SIPA1L1: variants seen among roughly 807,000 people sequenced by gnomAD.
SIPA1L1 encodes signal induced proliferation associated 1 like 1, also known as signal-induced proliferation-associated 1-like protein 1.
A neutral mutation model predicts 162.7 loss-of-function variants in SIPA1L1; 26 were observed. That is an observed-to-expected ratio of 0.16 (90% confidence interval 0.12 to 0.22). SIPA1L1 has a LOEUF of 0.22. SIPA1L1 is among the 10% of genes least tolerant of loss of function. The pLI, the probability that SIPA1L1 is intolerant of heterozygous loss-of-function variation, is 1.00. For synonymous variants in SIPA1L1, 829 were observed against 837.4 expected, an observed-to-expected ratio of 0.99 and a Z score of 0.17; for missense variants, 1,874 against 2,241.0, an observed-to-expected ratio of 0.84 and a Z score of 3.31.
rs1238349855 is a variant in SIPA1L1 at position 71,739,359 on chromosome 14, A to G, written c.*198A>G. ...TTTTGTAGAAAAGAAAAACAAAAAA[A>G]GTAAATAAAAATTTTAAACAGTAAA... On this transcript the variant is annotated 3_prime_UTR_variant, in exon 24 of 24. Transcript: ENST00000381232. The G allele has an allele frequency of 1.8e-5, 7 of 396,296 alleles. No homozygotes were observed. The highest frequency in any genetic ancestry group is 3.1e-5 in the Non-Finnish European group (7 of 227,480). The allele number at this position is 396,296 out of a possible 1,614,324, so 24.5% of individuals were successfully genotyped here. A position where few individuals can be genotyped will look rare whatever the true frequency, so the allele number is the denominator to read the frequency against.
chr14:71,505,906 A>G (rs2050623120), intron 2 of SIPA1L1, among the ~76,000 whole-genome samples: 3 of 151,608 alleles, frequency 2.0e-5, no homozygotes, highest in South Asian at 2.1e-4. Context: ...ATGAATTTTC[A>G]TGTTTAAACT....
chr14:71,704,273 ACCC>A (rs1326178367), intron 15 of SIPA1L1, among the ~76,000 whole-genome samples: 1 of 152,176 alleles, frequency 6.6e-6, no homozygotes, highest in Non-Finnish European at 1.5e-5. Context: ...ATTACTCAGT[ACCC>A]AATATTGAGT....
chr14:71,655,783 A>G (rs992290172), intron 8 of SIPA1L1, among the ~76,000 whole-genome samples: 2 of 151,834 alleles, frequency 1.3e-5, no homozygotes, highest in East Asian at 3.9e-4. Flanking sequence ...AGAAGTGTCT[A>G]TTTGTGTTAT....
chr14:71,410,765 G>A (rs879523700), intron 2 of SIPA1L1, among the ~76,000 whole-genome samples: 6 of 152,120 alleles, frequency 3.9e-5, no homozygotes, highest in Non-Finnish European at 8.8e-5. Flanking sequence ...AGGGTGGGGG[G>A]TAAGGTTAGC....
intron 5 of SIPA1L1, among the ~76,000 whole-genome samples, chr14:71,614,592 C>T (rs1287675272): frequency 8.5e-5 from 13 of 152,170 alleles, no homozygotes; most frequent in Admixed American, 7.9e-4. Context: ...AGCAAGAGCT[C>T]TTTTTTAATG....
intron 2 of SIPA1L1, among the ~76,000 whole-genome samples, chr14:71,368,142 C>CTTTTTTTTTTTTTTTTTTTTTTTTT: frequency 8.7e-6 from 1 of 115,182 alleles, no homozygotes; most frequent in Non-Finnish European, 1.8e-5. Flanking sequence ...TTGTGGTATT[C>CTTTTTTTTTTTTTTTTTTTTTTTTT]TTTTTTTTTT....
At chr14:71,457,316 T>TTTG (rs1373440964) in intron 2 of SIPA1L1, among the ~76,000 whole-genome samples, 1 of 152,064 alleles carries the variant, frequency 6.6e-6, no homozygotes, top group East Asian at 1.9e-4. Context: ...TTTTTTTTTT[T>TTTG]TGAGATGGAG....
rs1241984346 is a variant in SIPA1L1, at chr14:71,739,214, C to T, written c.*53C>T. The T allele has an allele frequency of 2.6e-6, 4 of 1,525,702 alleles. No homozygotes were observed. In the African/African-American group the frequency reaches 5.5e-5, roughly 21 times the overall value. The allele number at this position is 1,525,702 out of a possible 1,614,324, so 94.5% of individuals were successfully genotyped here. On this transcript the variant is annotated 3_prime_UTR_variant, in exon 24 of 24. Coordinates refer to ENST00000381232, the MANE Select transcript of SIPA1L1 (RefSeq NM_001386936.1). ...CCCAGACACTCCCTCCAGTGAGTGT[C>T]CTGCAGCCCTTATTCCCTCCATAGA...
chr14:71,330,485 C>G (rs1444306227), intron 2 of SIPA1L1: 2 of 1,606,304 alleles, frequency 1.2e-6, no homozygotes, highest in African/African-American at 1.3e-5. Flanking sequence ...AGAACTTGGT[C>G]CCCTTCCTGA....
intron 5 of SIPA1L1, among the ~76,000 whole-genome samples, chr14:71,599,041 G>A (rs991059910): frequency 1.3e-5 from 2 of 151,500 alleles, no homozygotes; most frequent in Admixed American, 1.3e-4. Flanking sequence ...TCCCACATGT[G>A]CCTGAAAACA....
intron 15 of SIPA1L1, among the ~76,000 whole-genome samples, chr14:71,702,911 C>T (rs749482051): frequency 6.6e-5 from 10 of 152,126 alleles, no homozygotes; most frequent in Non-Finnish European, 1.2e-4. Context: ...TAGTCACATC[C>T]GTAGCTTGCT....
chr14:71,492,818 G>A (rs2049396161), intron 2 of SIPA1L1, among the ~76,000 whole-genome samples: 1 of 151,346 alleles, frequency 6.6e-6, no homozygotes, highest in South Asian at 2.1e-4. Flanking sequence ...GTAGGGATGG[G>A]GTCCACTCTA....
At chr14:71,686,289 G>A (rs971863837) in intron 13 of SIPA1L1, among the ~76,000 whole-genome samples, 3 of 152,210 alleles carry the variant, frequency 2.0e-5, no homozygotes, top group African/African-American at 7.2e-5. Context: ...CCAAAAGGTA[G>A]TGGGTTAACT....
intron 2 of SIPA1L1, among the ~76,000 whole-genome samples, chr14:71,325,758 G>A (rs1366032284): frequency 6.6e-6 from 1 of 152,194 alleles, no homozygotes; most frequent in African/African-American, 2.4e-5. Context: ...TGCCTCTGGA[G>A]TCTGGGATGA....
intron 2 of SIPA1L1, among the ~76,000 whole-genome samples, chr14:71,507,225 A>G (rs2050749204): frequency 6.6e-6 from 1 of 152,198 alleles, no homozygotes; most frequent in Non-Finnish European, 1.5e-5. Context: ...ATGACAGCAC[A>G]ACGTACTCTC....
At chr14:71,458,901 C>T (rs889925337) in intron 2 of SIPA1L1, among the ~76,000 whole-genome samples, 24 of 151,918 alleles carry the variant, frequency 1.6e-4, no homozygotes, top group African/African-American at 4.8e-4. Context: ...CCTGAAACCC[C>T]GTCTGTACTA....
At chr14:71,666,910 GAGA>G (rs2044066065) in intron 10 of SIPA1L1, among the ~76,000 whole-genome samples, 1 of 150,354 alleles carries the variant, frequency 6.7e-6, no homozygotes, top group Non-Finnish European at 1.5e-5. Context: ...AGCTTCAGCT[GAGA>G]AGAAGAAAAA....
chr14:71,584,247 A>T (rs1302809676), intron 4 of SIPA1L1, among the ~76,000 whole-genome samples: 1 of 152,202 alleles, frequency 6.6e-6, no homozygotes, highest in Non-Finnish European at 1.5e-5. Context: ...GGATGGGTTC[A>T]GGAGTACAGA....
intron 4 of SIPA1L1, among the ~76,000 whole-genome samples, chr14:71,538,205 G>A (rs532809521): frequency 1.3e-5 from 2 of 152,306 alleles, no homozygotes; most frequent in African/African-American, 4.8e-5. Flanking sequence ...CAAAAGGAGT[G>A]AGAAGTTATT....
Sources: allele counts gnomAD v4.1 joint callset (sites outside exome capture counted in the v4.1 genomes callset), GRCh38; gene constraint gnomAD v4.1.1; transcripts MANE v1.5; gene names NCBI Gene and HGNC (gene_info 2026-07-23, HGNC 2026-07-21).